Variants in POLR3D observed in about 807,000 individuals in gnomAD.
POLR3D encodes DNA-directed RNA polymerase III subunit RPC4.
Under a neutral mutation model 44.5 loss-of-function variants are expected in POLR3D, and 42 were observed. The observed-to-expected ratio is 0.94, with a 90% CI of 0.74 to 1.22. POLR3D has a LOEUF of 1.22. Among genes scored for constraint, POLR3D ranks in the 50% most tolerant of loss-of-function variants. The probability of loss-of-function intolerance (pLI) is 0.00; values close to 1 mark genes in which losing one functional copy is unlikely to be tolerated. For synonymous variants in POLR3D, 217 were observed against 198.1 expected (o/e 1.10, Z -0.80); for missense variants, 507 against 505.2 (o/e 1.00, Z -0.03).
In POLR3D at chr8:22,245,588, G is replaced by T. The variant is rs1350169377; in HGVS notation, c.139G>T (p.Asp47Tyr). Residue 47 changes from aspartate (D) to tyrosine (Y), a missense_variant, in exon 2 of 9, where the codon GAC (aspartate) becomes TAC (tyrosine). Asp to Tyr is a radical substitution (Grantham distance 160). Transcript: ENST00000306433. ...PGRLPSIRSR[D>Y]LTLGGVKKKT... is the part of the protein sequence containing the mutation. ...CCGCCTTCCCTCCATCCGTTCCAGG[G>T]ACCTCACCCTCGGGGGAGTCAAGAA... 9 of 1,260,052 alleles carry T rather than the reference G, an allele frequency of 7.1e-6. No homozygotes were observed. The highest frequency in any genetic ancestry group is 9.1e-6 in the Non-Finnish European group (9 of 994,282). 78.1% of individuals were successfully genotyped at this position (1,260,052 alleles called of 1,614,324 possible).
chr8:22,248,676 C>G (rs377721859), intron 6 of POLR3D, 27 bp downstream of exon 6: 3 of 1,597,044 alleles, frequency 1.9e-6, no homozygotes, highest in Non-Finnish European at 2.6e-6. Context: ...CTTCTCATCT[C>G]CAATTCCATG....
In POLR3D at chr8:22,248,157, A is replaced by G. The variant is rs148805967; in HGVS notation, c.365A>G (p.Asn122Ser). The G allele has an allele frequency of 1.9e-3, 3,077 of 1,614,102 alleles. 3 individuals are homozygous for G. Among genetic ancestry groups the G allele is most frequent in the Non-Finnish European group, 2.3e-3 (2,709 of 1,179,990 alleles). The change falls in exon 5 of 9, where the codon AAC becomes AGC. Residue 122 changes from asparagine to serine, a missense_variant. Coordinates refer to ENST00000306433, the MANE Select transcript of POLR3D (RefSeq NM_001722.3). ...GPAEMMKKKG[N>S]WDKTVDVSDM... Reference sequence around the variant, plus strand: ...TGACCTGGGTGATTTCCCACAGGGAACTGGGATAAGACAGTGGATGTGTCA... The same window carrying G: ...TGACCTGGGTGATTTCCCACAGGGAGCTGGGATAAGACAGTGGATGTGTCA...
Position 22,249,268 on chromosome 8 carries a change from G to A in POLR3D, c.880G>A (p.Glu294Lys), listed in dbSNP as rs772987150. 3.7e-6 allele frequency: 6 copies of A among 1,613,926 alleles called. No homozygotes were observed. The highest frequency in any genetic ancestry group is 2.7e-5 in the African/African-American group (2 of 74,864). The part of the protein sequence containing the change: ...IKPIKTEVQG[E>K]DGQVVLIKQE... Reference sequence around the variant, plus strand: ...GCCTATCAAGACAGAGGTGCAGGGCGAGGACGGACAGGTGGTGCTCATCAA... The same window carrying A: ...GCCTATCAAGACAGAGGTGCAGGGCAAGGACGGACAGGTGGTGCTCATCAA... Residue 294 changes from glutamate (E) to lysine (K), a missense_variant, in exon 7 of 9, where the codon GAG becomes AAG. Glu to Lys is a moderately conservative substitution (Grantham distance 56). Coordinates refer to ENST00000306433, the MANE Select transcript of POLR3D (RefSeq NM_001722.3).
chr8:22,249,367 A>G, intron 7 of POLR3D, 58 bp downstream of exon 7: 1 of 1,580,404 alleles, frequency 6.3e-7, no homozygotes, highest in Non-Finnish European at 8.7e-7. Flanking sequence ...GGAAGTGGTG[A>G]CCTGTAGTGG....
At chr8:22,247,338 T>G (rs919557599) in intron 3 of POLR3D, 74 bp downstream of exon 3, 1 of 1,129,450 alleles carries the variant, frequency 8.9e-7, no homozygotes, top group Non-Finnish European at 1.3e-6. Context: ...GGGAAATAAC[T>G]AGGTTTGTAG....
At position 22,252,963 on chromosome 8, in the gene POLR3D, T is replaced by G; in HGVS notation, c.*2445T>G. The G allele has an allele frequency of 6.6e-6, 1 of 152,160 alleles. No individual in the cohort carries two copies. The highest frequency in any genetic ancestry group is 1.5e-5 in the Non-Finnish European group (1 of 68,040). 9.4% of individuals were successfully genotyped at this position (152,160 alleles called of 1,614,324 possible). ...TATGTAAGAGTGAGACAGTAGTAGC[T>G]TAATAGGGTTGCTTTTAAATTAGAG... On this transcript the variant is annotated 3_prime_UTR_variant, in exon 9 of 9. Coordinates refer to ENST00000306433, the MANE Select transcript of POLR3D (RefSeq NM_001722.3).
chr8:22,248,018 A>G lies in POLR3D; in HGVS notation c.361+10A>G, dbSNP rs1830060763. 3 of 1,612,114 alleles carry G rather than the reference A, an allele frequency of 1.9e-6. No homozygotes were observed. Among genetic ancestry groups the G allele is most frequent in the African/African-American group, 1.3e-5 (1 of 74,872 alleles). ...ATGATGAAGAAAAAAGGTATAAGGA[A>G]GGAATCAGTGAATTTCAGTTCAGAC... On this transcript the variant is annotated intron_variant, in intron 4 of 8. Transcript: ENST00000306433.
rs139465719 is a variant in POLR3D at position 22,250,167 on chromosome 8, A to T, written c.1014A>T (p.Gln338His). The change falls in exon 8 of 9, where the codon CAA becomes CAT. Residue 338 changes from glutamine (Q) to histidine (H), a missense_variant. Coordinates refer to ENST00000306433, the MANE Select transcript of POLR3D (RefSeq NM_001722.3). ...KLLIRKSGRV[Q>H]LLLGKVTLDV... ...TCATCCGCAAGTCTGGAAGGGTGCA[A>T]CTCCTCTTGGGCAAGGTGACTCTGG... 1 of 1,613,516 alleles carries T rather than the reference A, an allele frequency of 6.2e-7. No homozygotes were observed. Among genetic ancestry groups the T allele is most frequent in the South Asian group, 1.1e-5 (1 of 91,058 alleles).
In POLR3D at chr8:22,252,851, C is replaced by T. The variant is rs1376744531; in HGVS notation, c.*2333C>T. The stretch of plus-strand genomic sequence containing the variant: ...TGGCAGAGTCCAGGCTGTCGAGTCA[C>T]GGTTGGGTTTGAATCTGACTCCACC... On this transcript the variant is annotated 3_prime_UTR_variant, in exon 9 of 9. Coordinates refer to ENST00000306433, the MANE Select transcript of POLR3D (RefSeq NM_001722.3). The T allele has an allele frequency of 6.6e-6, 1 of 152,148 alleles. No individual in the cohort carries two copies. The highest frequency in any genetic ancestry group is 1.5e-5 in the Non-Finnish European group (1 of 68,030). The allele number at this position is 152,148 out of a possible 1,614,324, so 9.4% of individuals were successfully genotyped here.
chr8:22,249,757 G>T (rs754291228), intron 7 of POLR3D, among the ~76,000 whole-genome samples: 11 of 152,278 alleles, frequency 7.2e-5, no homozygotes, highest in Middle Eastern at 3.4e-3. Context: ...AGGAGGCAGA[G>T]GTTGCAGTAA....
At position 22,250,296 on chromosome 8, in the gene POLR3D, A is replaced by T. The variant is rs542023516; in HGVS notation, c.1074+69A>T. Reference sequence around the variant, plus strand: ...AAGGAGGATTGAAGAGCCACTGCTAAATAAGGGAGGGGGTTTCTGGGAGTA... The same window carrying T: ...AAGGAGGATTGAAGAGCCACTGCTATATAAGGGAGGGGGTTTCTGGGAGTA... On this transcript the variant is annotated intron_variant, in intron 8 of 8. Coordinates refer to ENST00000306433, the MANE Select transcript of POLR3D (RefSeq NM_001722.3). The T allele has an allele frequency of 5.2e-5, 84 of 1,609,982 alleles. No individual in the cohort carries two copies. In the East Asian group the frequency reaches 1.3e-3, roughly 24 times the overall value.
rs1830100559 is a variant in POLR3D at position 22,250,957 on chromosome 8, T to G, written c.*439T>G. ...AGAGAGCAAGGATTGAGTCTGAGAC[T>G]TAAGCACTCGGTCCCAGCTTGCCAG... On this transcript the variant is annotated 3_prime_UTR_variant, in exon 9 of 9. Coordinates refer to ENST00000306433, the MANE Select transcript of POLR3D (RefSeq NM_001722.3). The G allele has an allele frequency of 5.3e-6, 1 of 189,096 alleles. No homozygotes were observed. The allele number at this position is 189,096 out of a possible 1,614,324, so 11.7% of individuals were successfully genotyped here. A position where few individuals can be genotyped will look rare whatever the true frequency, so the allele number is the denominator to read the frequency against.
At chr8:22,250,011 G>A in intron 7 of POLR3D, 64 bp from the exon 8 acceptor site, 1 of 1,578,206 alleles carries the variant, frequency 6.3e-7, no homozygotes, top group Non-Finnish European at 8.7e-7. Flanking sequence ...GAGTAGAAGG[G>A]GGTTCATGAA....
Position 22,251,543 on chromosome 8 carries a change from A to G in POLR3D, c.*1025A>G, listed in dbSNP as rs890244372. The G allele has an allele frequency of 9.1e-5, 14 of 153,776 alleles. No individual in the cohort carries two copies. The highest frequency in any genetic ancestry group is 2.4e-4 in the African/African-American group (10 of 41,462). The allele number at this position is 153,776 out of a possible 1,614,324, so 9.5% of individuals were successfully genotyped here. A position where few individuals can be genotyped will look rare whatever the true frequency, so the allele number is the denominator to read the frequency against. ...TGCTAACAAAAAAACTAAATCCTTC[A>G]TAAGAGAAGTTAGGGATGTATTGAA... is the stretch of plus-strand genomic sequence containing the variant. On this transcript the variant is annotated 3_prime_UTR_variant, in exon 9 of 9. Coordinates refer to ENST00000306433, the MANE Select transcript of POLR3D (RefSeq NM_001722.3).
intron 7 of POLR3D, among the ~76,000 whole-genome samples, chr8:22,249,646 G>A (rs904821534): frequency 2.0e-5 from 3 of 152,112 alleles, no homozygotes; most frequent in East Asian, 1.9e-4. Context: ...CCTGGGCAAC[G>A]TGGTGACACC....
In POLR3D at chr8:22,254,008, TG is replaced by T. The variant is rs1284690239; in HGVS notation, c.*3494del. 6.6e-6 allele frequency: 1 copy of T among 152,224 alleles called. No homozygotes were observed. The highest frequency in any genetic ancestry group is 1.5e-5 in the Non-Finnish European group (1 of 68,050). 9.4% of individuals were successfully genotyped at this position (152,224 alleles called of 1,614,324 possible). On this transcript the variant is annotated 3_prime_UTR_variant, in exon 9 of 9. Coordinates refer to ENST00000306433, the MANE Select transcript of POLR3D (RefSeq NM_001722.3). ...CGTGTTTGTGTATATTGCGTACTGG[TG>T]GGGATTGGGCTTCTGTCATACCTAT...
Position 22,253,227 on chromosome 8 carries a change from C to G in POLR3D, c.*2709C>G, listed in dbSNP as rs766466324. On this transcript the variant is annotated 3_prime_UTR_variant, in exon 9 of 9. Coordinates refer to ENST00000306433, the MANE Select transcript of POLR3D (RefSeq NM_001722.3). ...TATTGCAGAATGGCTGCTCCTGCGC[C>G]AAGCATCATTCTGCAAATGATGGTG... The G allele has an allele frequency of 3.0e-4, 46 of 152,350 alleles. 1 individual carries two copies. The highest frequency in any genetic ancestry group is 8.3e-4 in the South Asian group (4 of 4,822). The allele number at this position is 152,350 out of a possible 1,614,324, so 9.4% of individuals were successfully genotyped here.
rs765444536 is a variant in POLR3D, at chr8:22,248,181, C to G, written c.389C>G (p.Ser130Ter). Residue 130 changes from serine (S) to a stop codon, truncating the protein, a stop_gained, in exon 5 of 9, where the codon TCA becomes TGA. Coordinates refer to ENST00000306433, the MANE Select transcript of POLR3D (RefSeq NM_001722.3). LOFTEE classifies it high-confidence loss of function. ...KGNWDKTVDV[S>*]DMGPSHIINI... is the part of the protein sequence containing the mutation. ...AACTGGGATAAGACAGTGGATGTGT[C>G]AGACATGGGACCTTCTCATATCATC... 1.9e-6 allele frequency: 3 copies of G among 1,614,116 alleles called. No homozygotes were observed. The South Asian group carries it at 3.3e-5, about 18-fold the overall frequency.
At position 22,247,933 on chromosome 8, in the gene POLR3D, G is replaced by C. The variant is rs1830059371; in HGVS notation, c.286G>C (p.Gly96Arg). 3 of 1,614,154 alleles carry C rather than the reference G, an allele frequency of 1.9e-6. No individual in the cohort carries two copies. The highest frequency in any genetic ancestry group is 2.5e-6 in the Non-Finnish European group (3 of 1,180,012). Reference sequence around the variant, plus strand: ...CCGACAACGAGAGGGGCATGGACGAGGGCGAGGCCGTCCAGAAGTGATCCA... The same window carrying C: ...CCGACAACGAGAGGGGCATGGACGACGGCGAGGCCGTCCAGAAGTGATCCA... ...RDRQREGHGR[G>R]RGRPEVIQSH... The change falls in exon 4 of 9, where the codon GGG becomes CGG. Residue 96 changes from glycine (G) to arginine (R), a missense_variant. Physicochemically the swap from Gly to Arg is moderately radical, Grantham distance 125 (BLOSUM62 -2). Transcript: ENST00000306433.
Sources: gnomAD v4.1 joint callset for allele counts (sites outside exome capture counted in the v4.1 genomes callset) on GRCh38, gnomAD v4.1.1 for gene constraint, MANE v1.5 for transcripts, NCBI Gene and HGNC (gene_info 2026-07-23, HGNC 2026-07-21) for gene names.